TXNL1: variants seen among roughly 807,000 people sequenced by gnomAD.
TXNL1 encodes thioredoxin like 1.
Under a neutral mutation model 35.5 loss-of-function variants are expected in TXNL1, and 14 were observed. That is an observed-to-expected ratio of 0.39 (90% CI 0.26 to 0.62). The LOEUF (loss-of-function observed/expected upper bound fraction) is 0.62. TXNL1 is among the 20% of genes least tolerant of loss of function. The probability of loss-of-function intolerance (pLI) is 0.47; values close to 1 mark genes in which losing one functional copy is unlikely to be tolerated. For synonymous variants in TXNL1, 110 were observed against 115.5 expected (o/e 0.95, Z 0.31); for missense variants, 263 against 349.7 (o/e 0.75, Z 1.98).
chr18:56,623,814 T>A (rs78857048), intron 3 of TXNL1, among the ~76,000 whole-genome samples: 11 of 151,642 alleles, frequency 7.3e-5, no homozygotes, highest in Non-Finnish European at 1.2e-4. Flanking sequence ...TTTTTTTTTT[T>A]AAATACAGTG....
At chr18:56,626,568 C>A (rs374779145) in intron 1 of TXNL1, 111 bp from the exon 2 acceptor site, 12 of 997,330 alleles carry the variant, frequency 1.2e-5, no homozygotes, top group Middle Eastern at 2.4e-4. Flanking sequence ...TTTTGACTCT[C>A]TGTTTTTTTT....
chr18:56,606,635 A>C (rs1036328404), intron 7 of TXNL1, among the ~76,000 whole-genome samples: 1 of 152,158 alleles, frequency 6.6e-6, no homozygotes, highest in Admixed American at 6.5e-5. Flanking sequence ...AGACTTTCCC[A>C]GTCGTTGGGG....
intron 1 of TXNL1, among the ~76,000 whole-genome samples, chr18:56,627,985 C>T (rs963714391): frequency 6.6e-6 from 1 of 151,858 alleles, no homozygotes; most frequent in African/African-American, 2.4e-5. Context: ...AAACAAAGGA[C>T]TTATACTTCT....
chr18:56,610,792 T>G, intron 7 of TXNL1: 1 of 385,228 alleles, frequency 2.6e-6, no homozygotes, highest in Non-Finnish European at 4.6e-6. Flanking sequence ...AAGACATCAT[T>G]TTTTATTAAA....
chr18:56,602,877 A>G lies in TXNL1; in HGVS notation c.*150T>C, dbSNP rs780907437. On this transcript the variant is annotated 3_prime_UTR_variant, in exon 8 of 8. Coordinates refer to ENST00000217515, the MANE Select transcript of TXNL1 (RefSeq NM_004786.3). Reference sequence around the variant, plus strand: ...TACAATTGCATGTGTCAAGATTACAATGGAAACACTAGTGATACCATCTGA... The same window carrying G: ...TACAATTGCATGTGTCAAGATTACAGTGGAAACACTAGTGATACCATCTGA... 2.4e-4 allele frequency: 204 copies of G among 851,148 alleles called. No individual in the cohort carries two copies. Among genetic ancestry groups the G allele is most frequent in the Non-Finnish European group, 3.5e-4 (188 of 533,600 alleles). 52.7% of individuals were successfully genotyped at this position (851,148 alleles called of 1,614,324 possible).
At chr18:56,633,983 CAAAAAAAAA>C (rs71169380) in intron 1 of TXNL1, among the ~76,000 whole-genome samples, 224 of 51,306 alleles carry the variant, frequency 4.4e-3, no homozygotes, top group African/African-American at 0.021. Flanking sequence ...GACTCCATCT[CAAAAAAAAA>C]AAAAAAAAAA....
chr18:56,623,425 CAAAAA>C (rs74182150), intron 3 of TXNL1, among the ~76,000 whole-genome samples: 3 of 96,926 alleles, frequency 3.1e-5, no homozygotes, highest in Admixed American at 1.0e-4. Flanking sequence ...GACTCCGCCT[CAAAAA>C]AAAAAAAAAA....
At chr18:56,627,689 C>T (rs894276107) in intron 1 of TXNL1, among the ~76,000 whole-genome samples, 1 of 151,920 alleles carries the variant, frequency 6.6e-6, no homozygotes, top group Non-Finnish European at 1.5e-5. Flanking sequence ...TATACTCATA[C>T]AGGAAAAGAA....
chr18:56,630,426 C>A (rs1598923943), intron 1 of TXNL1, among the ~76,000 whole-genome samples: 2 of 152,292 alleles, frequency 1.3e-5, no homozygotes, highest in East Asian at 3.9e-4. Flanking sequence ...AAAATAAACC[C>A]TTCTGGGGAA....
Position 56,602,474 on chromosome 18 carries a change from T to A in TXNL1, c.*553A>T, listed in dbSNP as rs2023823209. On this transcript the variant is annotated 3_prime_UTR_variant, in exon 8 of 8. Coordinates refer to ENST00000217515, the MANE Select transcript of TXNL1 (RefSeq NM_004786.3). ...TTGATATATACCAAGAAAGAATCTG[T>A]GGACCCATTAGCTAAGTTTTAGGTA... 6.6e-6 allele frequency: 1 copy of A among 151,968 alleles called. No individual in the cohort carries two copies. Among genetic ancestry groups the A allele is most frequent in the African/African-American group, 2.4e-5 (1 of 41,350 alleles). 9.4% of individuals were successfully genotyped at this position (151,968 alleles called of 1,614,324 possible).
chr18:56,624,246 C>A, intron 3 of TXNL1, 42 bp downstream of exon 3: 1 of 1,552,520 alleles, frequency 6.4e-7, no homozygotes. Context: ...ATGACATGTA[C>A]AAGATATTAT....
chr18:56,636,660 C>CCA (rs2024460267), intron 1 of TXNL1, among the ~76,000 whole-genome samples: 1 of 152,142 alleles, frequency 6.6e-6, no homozygotes, highest in Non-Finnish European at 1.5e-5. Flanking sequence ...TTAAGTGACA[C>CCA]CACACTGATA....
chr18:56,601,793 A>C lies in TXNL1; in HGVS notation c.*1234T>G, dbSNP rs964519615. ...ATGTACTCTTTAAAAATAGTTTTCA[A>C]AATACTCAGAAATTTTAAAATTAAA... On this transcript the variant is annotated 3_prime_UTR_variant, in exon 8 of 8. Coordinates refer to ENST00000217515, the MANE Select transcript of TXNL1 (RefSeq NM_004786.3). 7.2e-5 allele frequency: 11 copies of C among 152,222 alleles called. No individual in the cohort carries two copies. Among genetic ancestry groups the C allele is most frequent in the African/African-American group, 2.7e-4 (11 of 41,460 alleles). 9.4% of individuals were successfully genotyped at this position (152,222 alleles called of 1,614,324 possible). A position where few individuals can be genotyped will look rare whatever the true frequency, so the allele number is the denominator to read the frequency against.
In TXNL1 at chr18:56,616,112, A is replaced by G. The variant is rs146526926; in HGVS notation, c.562+133T>C. On this transcript the variant is annotated intron_variant, in intron 5 of 7. Coordinates refer to ENST00000217515, the MANE Select transcript of TXNL1 (RefSeq NM_004786.3). ...GCACCACCGCACTCCAGCCTGGGCA[A>G]TAGCACAAGACTCTGTCTCAAAAAA... 8.0e-4 allele frequency: 571 copies of G among 715,046 alleles called. 5 individuals carry two copies. The East Asian group carries it at 0.016, about 20-fold the overall frequency. 44.3% of individuals were successfully genotyped at this position (715,046 alleles called of 1,614,324 possible). A position where few individuals can be genotyped will look rare whatever the true frequency, so the allele number is the denominator to read the frequency against.
At chr18:56,610,959 T>C (rs1165241166) in intron 7 of TXNL1, 34 bp downstream of exon 7, 1 of 1,336,596 alleles carries the variant, frequency 7.5e-7, no homozygotes, top group Non-Finnish European at 1.0e-6. Context: ...AATTATATTT[T>C]TACTATCCCG....
chr18:56,627,664 C>T (rs2024307376), intron 1 of TXNL1, among the ~76,000 whole-genome samples: 1 of 152,064 alleles, frequency 6.6e-6, no homozygotes, highest in African/African-American at 2.4e-5. Context: ...TCAATAAATA[C>T]TGCTAGATCA....
intron 3 of TXNL1, among the ~76,000 whole-genome samples, chr18:56,619,126 A>G (rs1335960423): frequency 6.8e-6 from 1 of 146,396 alleles, no homozygotes; most frequent in East Asian, 2.2e-4. Context: ...AGCTGGGAGG[A>G]TGGCTTGAGC....
chr18:56,618,536 T>A (rs1236747458), intron 3 of TXNL1, among the ~76,000 whole-genome samples: 1 of 152,064 alleles, frequency 6.6e-6, no homozygotes, highest in Non-Finnish European at 1.5e-5. Context: ...GGACTTAAAG[T>A]TTTTATCATG....
In TXNL1 at chr18:56,626,207, T is replaced by C. The variant is rs2234349; in HGVS notation, c.195+154A>G. On this transcript the variant is annotated intron_variant, in intron 2 of 7. Transcript: ENST00000217515. ...CTACTCTTCTTAACTAATGCAGCCA[T>C]AATGACATCTGTAATAATGACATCA... 4.3e-5 allele frequency: 60 copies of C among 1,385,908 alleles called. No individual in the cohort carries two copies. In the African/African-American group the frequency reaches 8.3e-4, roughly 19 times the overall value. 85.9% of individuals were successfully genotyped at this position (1,385,908 alleles called of 1,614,324 possible). A position where few individuals can be genotyped will look rare whatever the true frequency, so the allele number is the denominator to read the frequency against.
Sources: gnomAD v4.1 joint callset for allele counts (sites outside exome capture counted in the v4.1 genomes callset) on GRCh38, gnomAD v4.1.1 for gene constraint, MANE v1.5 for transcripts, NCBI Gene and HGNC (gene_info 2026-07-23, HGNC 2026-07-21) for gene names.